CCDC141: variants seen among roughly 807,000 people sequenced by gnomAD.
CCDC141 encodes coiled-coil domain containing 141.
A neutral mutation model predicts 181.0 loss-of-function variants in CCDC141; 168 were observed. The ratio of observed to expected loss-of-function variants is 0.93; its 90% confidence interval spans 0.82 to 1.05. The LOEUF is 1.05. Among genes scored for constraint, CCDC141 ranks in the 50% least tolerant of loss-of-function variants. The pLI, the probability that CCDC141 is intolerant of heterozygous loss-of-function variation, is 0.00. For synonymous variants in CCDC141, 666 were observed against 642.3 expected (o/e 1.04, Z -0.56); for missense variants, 1,902 against 1,788.5 (o/e 1.06, Z -1.14).
intron 5 of CCDC141, among the ~76,000 whole-genome samples, chr2:178,959,877 T>C (rs181923624): frequency 2.8e-4 from 43 of 152,318 alleles, no homozygotes; most frequent in Non-Finnish European, 4.7e-4. Context: ...GACCAACACA[T>C]GTCAAAATTC....
At chr2:178,911,288 A>AC (rs1298410394) in intron 7 of CCDC141, among the ~76,000 whole-genome samples, 9 of 152,218 alleles carry the variant, frequency 5.9e-5, no homozygotes, top group African/African-American at 1.9e-4. Context: ...TCTGTGCTGT[A>AC]GCCACGTATT....
At chr2:178,822,793 C>T in the CCDC141 span, among the ~76,000 whole-genome samples, 2 of 152,090 alleles carry the variant, frequency 1.3e-5, no homozygotes, top group East Asian at 3.8e-4. Flanking sequence ...AAGGCATATC[C>T]ATCATTAGAA....
chr2:178,957,069 T>A (rs1011645449), intron 5 of CCDC141, among the ~76,000 whole-genome samples: 2 of 151,894 alleles, frequency 1.3e-5, no homozygotes, highest in Non-Finnish European at 2.9e-5. Context: ...AGAGATGGGG[T>A]TTCTCCATGT....
chr2:178,867,457 G>A (rs10186056), intron 16 of CCDC141, among the ~76,000 whole-genome samples: 66,807 of 152,020 alleles, frequency 0.44, 15,869 homozygotes, highest in East Asian at 0.78. Flanking sequence ...AAATACTAAT[G>A]TGATTGCTTT....
rs11303440 is a variant in CCDC141, at chr2:178,961,111, TG to T, written c.780+118del. On this transcript the variant is annotated intron_variant, in intron 5 of 23. Coordinates refer to ENST00000443758, the MANE Select transcript of CCDC141 (RefSeq NM_173648.4). ...CATGGTAGTTTGGATGAAAGCTTTT[TG>T]GACCAAAGACCAAAAGATTTGACCA... 550,528 of 1,140,668 alleles carry T rather than the reference TG, an allele frequency of 0.48. 142,502 individuals are homozygous for T. Among genetic ancestry groups the T allele is most frequent in the Non-Finnish European group, 0.54 (446,927 of 821,310 alleles). The allele number at this position is 1,140,668 out of a possible 1,614,324, so 70.7% of individuals were successfully genotyped here.
intron 6 of CCDC141, among the ~76,000 whole-genome samples, chr2:178,927,046 A>G (rs73041956): frequency 0.012 from 1,859 of 152,320 alleles, 33 homozygotes; most frequent in African/African-American, 0.037. Context: ...CTATATTTAT[A>G]ATAGCTATGT....
intron 5 of CCDC141, among the ~76,000 whole-genome samples, chr2:178,958,280 A>G (rs1163453161): frequency 6.6e-6 from 1 of 152,154 alleles, no homozygotes; most frequent in African/African-American, 2.4e-5. Context: ...TACATCATCA[A>G]GAGTGAACCT....
At chr2:178,904,778 A>T (rs1337803387) in intron 8 of CCDC141, among the ~76,000 whole-genome samples, 1 of 152,046 alleles carries the variant, frequency 6.6e-6, no homozygotes, top group East Asian at 1.9e-4. Flanking sequence ...TGATGCATTC[A>T]CCAAATGTGC....
intron 22 of CCDC141, among the ~76,000 whole-genome samples, chr2:178,844,249 T>G (rs1180141001): frequency 6.6e-6 from 1 of 152,170 alleles, no homozygotes; most frequent in African/African-American, 2.4e-5. Flanking sequence ...CTTAGAAACC[T>G]TTTTAAGAAA....
intron 2 of CCDC141, among the ~76,000 whole-genome samples, chr2:179,009,687 G>T (rs1339411801): frequency 6.7e-6 from 1 of 149,556 alleles, no homozygotes; most frequent in Non-Finnish European, 1.5e-5. Flanking sequence ...GGGTGGGGGT[G>T]CAGTGGATTC....
At chr2:178,970,406 C>T (rs1690832459) in intron 4 of CCDC141, among the ~76,000 whole-genome samples, 1 of 152,192 alleles carries the variant, frequency 6.6e-6, no homozygotes, top group Non-Finnish European at 1.5e-5. Context: ...CAGCGTGATA[C>T]TGGTACCAAA....
intron 6 of CCDC141, among the ~76,000 whole-genome samples, chr2:178,934,223 G>C (rs1689202114): frequency 6.6e-6 from 1 of 152,118 alleles, no homozygotes; most frequent in Admixed American, 6.6e-5. Context: ...AGCTATAGAA[G>C]TACAGATTGG....
At chr2:178,881,420 G>A (rs1686600868) in intron 11 of CCDC141, among the ~76,000 whole-genome samples, 1 of 152,168 alleles carries the variant, frequency 6.6e-6, no homozygotes, top group East Asian at 1.9e-4. Flanking sequence ...TTTTACCTTA[G>A]TAAATCTGTT....
chr2:179,034,238 G>C (rs57845968), intron 2 of CCDC141, among the ~76,000 whole-genome samples: 28,850 of 152,094 alleles, frequency 0.19, 3,218 homozygotes, highest in Admixed American at 0.3. Flanking sequence ...CAAACTAAAG[G>C]AGGAACAGAA....
At chr2:179,029,170 T>C (rs982850745) in intron 2 of CCDC141, among the ~76,000 whole-genome samples, 14 of 152,190 alleles carry the variant, frequency 9.2e-5, no homozygotes, top group Non-Finnish European at 1.8e-4. Context: ...TCTTTACCCA[T>C]CACTTCTTTT....
In CCDC141 at chr2:178,983,332, G is replaced by A. The variant is rs1691537271; in HGVS notation, c.226-4657C>T. Among the ~76,000 whole-genome samples the A allele has an allele frequency of 4.6e-5, 7 of 152,092 alleles. No individual in the cohort carries two copies. The South Asian group carries it at 1.5e-3, about 32-fold the overall frequency. ...CCATCTGTACATCACCATCATCAAA[G>A]ACCAAAAGTAGATAAAACCACGAAG... is the stretch of plus-strand genomic sequence containing the variant. On this transcript the variant is annotated intron_variant, in intron 2 of 23. Coordinates refer to ENST00000443758, the MANE Select transcript of CCDC141 (RefSeq NM_173648.4).
intron 2 of CCDC141, among the ~76,000 whole-genome samples, chr2:179,015,558 C>CATATATATA (rs1553503077): frequency 4.3e-5 from 1 of 23,524 alleles, no homozygotes; most frequent in African/African-American, 1.2e-4. Context: ...TCTCATATCT[C>CATATATATA]ATATATATCT....
At chr2:178,997,177 CTTCT>C (rs1692326657) in intron 2 of CCDC141, among the ~76,000 whole-genome samples, 1 of 152,152 alleles carries the variant, frequency 6.6e-6, no homozygotes, top group Non-Finnish European at 1.5e-5. Flanking sequence ...CTCCGTGATA[CTTCT>C]TCAGCCTTGG....
intron 2 of CCDC141, among the ~76,000 whole-genome samples, chr2:178,982,520 A>G (rs1014781106): frequency 1.5e-4 from 23 of 152,240 alleles, no homozygotes; most frequent in Admixed American, 1.2e-3. Context: ...GCGACGCAGA[A>G]GACGGGTGAT....
Sources: gnomAD v4.1 joint callset for allele counts (sites outside exome capture counted in the v4.1 genomes callset) on GRCh38, gnomAD v4.1.1 for gene constraint, MANE v1.5 for transcripts, NCBI Gene and HGNC (gene_info 2026-07-23, HGNC 2026-07-21) for gene names.